Variants in GRM1 observed in about 807,000 individuals in gnomAD.
GRM1 encodes the protein metabotropic glutamate receptor 1.
GRM1 carries 33 observed loss-of-function variants against 90.9 expected under a neutral mutation model. The ratio of observed to expected loss-of-function variants is 0.36; its 90% confidence interval spans 0.28 to 0.49. GRM1 has a LOEUF of 0.49. Among genes scored for constraint, GRM1 ranks in the 20% least tolerant of loss-of-function variants. The pLI, the probability that GRM1 is intolerant of heterozygous loss-of-function variation, is 0.99. For synonymous variants in GRM1, 700 were observed against 613.2 expected, an observed-to-expected ratio of 1.14 and a Z score of -2.09; for missense variants, 1,190 against 1,534.3, an observed-to-expected ratio of 0.78 and a Z score of 3.75.
At chr6:146,257,527 T>C (rs1035438789) in intron 2 of GRM1, among the ~76,000 whole-genome samples, 3 of 150,956 alleles carry the variant, frequency 2.0e-5, no homozygotes, top group Admixed American at 6.6e-5. Flanking sequence ...TATATATATA[T>C]ATATGTATAA....
intron 3 of GRM1, among the ~76,000 whole-genome samples, chr6:146,320,855 C>G (rs992323775): frequency 6.6e-6 from 1 of 152,010 alleles, no homozygotes; most frequent in African/African-American, 2.4e-5. Flanking sequence ...TGATTCTTCT[C>G]TCTTTTCTTC....
chr6:146,104,625 T>C (rs1039437643), intron 1 of GRM1, among the ~76,000 whole-genome samples: 3 of 151,672 alleles, frequency 2.0e-5, no homozygotes, highest in African/African-American at 7.3e-5. Context: ...TGCTGGAGAG[T>C]AGAGAATTTC....
intron 4 of GRM1, among the ~76,000 whole-genome samples, chr6:146,353,037 T>C (rs965065438): frequency 6.6e-5 from 10 of 152,344 alleles, no homozygotes; most frequent in Middle Eastern, 3.4e-3. Context: ...ACTTTCTTTT[T>C]GGGATTGAGC....
intron 1 of GRM1, among the ~76,000 whole-genome samples, chr6:146,093,887 CAG>C (rs1452111909): frequency 4.6e-5 from 7 of 151,918 alleles, no homozygotes; most frequent in Admixed American, 3.9e-4. Flanking sequence ...ACTCGAATAA[CAG>C]GGGAATGAAT....
At chr6:146,185,330 G>C (rs1222576951) in intron 2 of GRM1, among the ~76,000 whole-genome samples, 3 of 152,158 alleles carry the variant, frequency 2.0e-5, no homozygotes, top group Non-Finnish European at 4.4e-5. Flanking sequence ...GGCTAGTCTG[G>C]CCTAGAGCAA....
chr6:146,171,890 C>A, intron 2 of GRM1: 1 of 237,700 alleles, frequency 4.2e-6, no homozygotes, highest in South Asian at 6.8e-5. Context: ...TTTTTCCAGC[C>A]ACCAGCCTCT....
rs970062966 is a variant in GRM1, at chr6:146,268,687, A to G, written c.951-35924A>G. Among the ~76,000 whole-genome samples the G allele has an allele frequency of 1.6e-4, 25 of 152,296 alleles. No individual in the cohort carries two copies. The South Asian group carries it at 2.1e-3, about 13-fold the overall frequency. ...AATAGAACTTTTCTGATTCTTTACC[A>G]TTGTCAACTGGATATGACCTTTCTG... On this transcript the variant is annotated intron_variant, in intron 2 of 7. Coordinates refer to ENST00000282753, the MANE Select transcript of GRM1 (RefSeq NM_001278064.2).
At position 146,091,755 on chromosome 6, in the gene GRM1, G is replaced by A. The variant is rs760980334; in HGVS notation, c.700+61538G>A. 9.3e-4 allele frequency among the ~76,000 whole-genome samples: 142 copies of A among 152,186 alleles called. 1 individual carries two copies. Among genetic ancestry groups the A allele is most frequent in the Non-Finnish European group, 1.8e-3 (121 of 67,972 alleles). On this transcript the variant is annotated intron_variant, in intron 1 of 7. Coordinates refer to ENST00000282753, the MANE Select transcript of GRM1 (RefSeq NM_001278064.2). ...GTTTGTCATGAAGAATTGTGAAAAA[G>A]TCTATCTGAAGAATTGTGAAAAAAT...
At chr6:146,173,679 T>G (rs1337730160) in intron 2 of GRM1, among the ~76,000 whole-genome samples, 1 of 151,116 alleles carries the variant, frequency 6.6e-6, no homozygotes, top group Non-Finnish European at 1.5e-5. Context: ...TTTTTTTTTT[T>G]TTTTCGAGAC....
intron 3 of GRM1, among the ~76,000 whole-genome samples, chr6:146,317,555 T>C (rs1229651588): frequency 2.0e-5 from 3 of 152,206 alleles, no homozygotes; most frequent in Non-Finnish European, 2.9e-5. Flanking sequence ...TCTGTATTTG[T>C]CAGGATAGGC....
chr6:146,091,428 T>C (rs557690536), intron 1 of GRM1, among the ~76,000 whole-genome samples: 4 of 152,118 alleles, frequency 2.6e-5, no homozygotes, highest in African/African-American at 9.6e-5. Context: ...AGGTGGAAGG[T>C]TGGGAACAGA....
At chr6:146,351,217 C>A (rs1785396794) in intron 3 of GRM1, among the ~76,000 whole-genome samples, 3 of 152,098 alleles carry the variant, frequency 2.0e-5, no homozygotes, top group Admixed American at 2.0e-4. Context: ...GTTCTCAACC[C>A]CATATGCAGC....
intron 2 of GRM1, among the ~76,000 whole-genome samples, chr6:146,252,188 A>T (rs1781311795): frequency 6.6e-6 from 1 of 152,350 alleles, no homozygotes; most frequent in African/African-American, 2.4e-5. Context: ...CCTTGAAAAG[A>T]GTAAGCAGCA....
At chr6:146,431,860 TA>T (rs564439788) in intron 7 of GRM1, among the ~76,000 whole-genome samples, 2 of 151,850 alleles carry the variant, frequency 1.3e-5, no homozygotes, top group African/African-American at 2.4e-5. Context: ...ATTGAATGCA[TA>T]AAAAAAACAA....
intron 2 of GRM1, among the ~76,000 whole-genome samples, chr6:146,235,373 T>C (rs1037916678): frequency 2.6e-5 from 4 of 152,166 alleles, no homozygotes; most frequent in Non-Finnish European, 4.4e-5. Context: ...AAATATGATA[T>C]GTCCAAGGAT....
intron 5 of GRM1, among the ~76,000 whole-genome samples, chr6:146,372,843 T>G (rs186352642): frequency 9.2e-4 from 140 of 152,284 alleles, no homozygotes; most frequent in Admixed American, 2.1e-3. Context: ...GCCAGTACTC[T>G]GCTGTTTTGG....
At chr6:146,380,618 C>T (rs2115122912) in intron 5 of GRM1, among the ~76,000 whole-genome samples, 1 of 152,070 alleles carries the variant, frequency 6.6e-6, no homozygotes, top group East Asian at 1.9e-4. Context: ...CCCAGGAGCC[C>T]ATTTGATGTG....
chr6:146,194,224 C>T (rs1779036104), intron 2 of GRM1, among the ~76,000 whole-genome samples: 1 of 152,114 alleles, frequency 6.6e-6, no homozygotes, highest in African/African-American at 2.4e-5. Flanking sequence ...CAGTTTCCTG[C>T]TATCTCCATT....
chr6:146,146,103 C>CTTTTTTTTTTTTTTTTTTTTTTTTTTTTT lies in GRM1; in HGVS notation c.701-13237_701-13209dup, dbSNP rs35329703. ...CTGTGCCTATGTACTACCATTGTAT[C>CTTTTTTTTTTTTTTTTTTTTTTTTTTTTT]TTTTTTTTTTTTTTTTTTTTTTTTT... On this transcript the variant is annotated intron_variant, in intron 1 of 7. Transcript: ENST00000282753. 1.5e-3 allele frequency among the ~76,000 whole-genome samples: 30 copies of CTTTTTTTTTTTTTTTTTTTTTTTTTTTTT among 19,988 alleles called. 13 individuals carry two copies. The highest frequency in any genetic ancestry group is 2.3e-3 in the Non-Finnish European group (22 of 9,440). 13.1% of individuals were successfully genotyped at this position (19,988 alleles called of 152,430 possible).
Sources: gnomAD v4.1 joint callset for allele counts (sites outside exome capture counted in the v4.1 genomes callset) on GRCh38, gnomAD v4.1.1 for gene constraint, MANE v1.5 for transcripts, NCBI Gene and HGNC (gene_info 2026-07-23, HGNC 2026-07-21) for gene names.